Variants in MACROD2 observed in about 807,000 individuals in gnomAD.
MACROD2 encodes ADP-ribose glycohydrolase MACROD2.
MACROD2 carries 36 observed loss-of-function variants against 70.4 expected under a neutral mutation model. That is an observed-to-expected ratio of 0.51 (90% CI 0.39 to 0.68). The LOEUF is 0.68. MACROD2 is among the 30% of genes least tolerant of loss of function. The pLI is 0.00. For synonymous variants in MACROD2, 172 were observed against 178.8 expected, an observed-to-expected ratio of 0.96 and a Z score of 0.30; for missense variants, 496 against 538.4, an observed-to-expected ratio of 0.92 and a Z score of 0.78.
intron 6 of MACROD2, among the ~76,000 whole-genome samples, chr20:15,247,222 C>A (rs1400339289): frequency 6.6e-6 from 1 of 152,050 alleles, no homozygotes; most frequent in Non-Finnish European, 1.5e-5. Context: ...AATTTAAAAA[C>A]CTTGTCCTGT....
At chr20:15,483,123 A>T (rs1376797481) in intron 7 of MACROD2, among the ~76,000 whole-genome samples, 2 of 152,164 alleles carry the variant, frequency 1.3e-5, no homozygotes, top group Admixed American at 1.3e-4. Context: ...GTCATATCTA[A>T]AATGTCACCA....
At chr20:14,085,574 GTTAA>G (rs774200191) in intron 2 of MACROD2, 43 bp from the exon 3 acceptor site, 7 of 1,106,644 alleles carry the variant, frequency 6.3e-6, no homozygotes, top group East Asian at 5.5e-5. Context: ...TCTCGATTAA[GTTAA>G]TTAATAATAT....
chr20:15,600,430 C>T (rs903722216), intron 8 of MACROD2, among the ~76,000 whole-genome samples: 1 of 152,096 alleles, frequency 6.6e-6, no homozygotes, highest in African/African-American at 2.4e-5. Flanking sequence ...TAATCGTTTT[C>T]TTATGATCTT....
At chr20:15,394,008 A>G (rs2045827834) in intron 6 of MACROD2, among the ~76,000 whole-genome samples, 1 of 152,214 alleles carries the variant, frequency 6.6e-6, no homozygotes, top group African/African-American at 2.4e-5. Flanking sequence ...ATGAAGAGAA[A>G]GAATAGAACA....
intron 12 of MACROD2, among the ~76,000 whole-genome samples, chr20:15,940,726 T>C (rs1423383837): frequency 6.6e-6 from 1 of 152,176 alleles, no homozygotes; most frequent in African/African-American, 2.4e-5. Flanking sequence ...TAAGACATAG[T>C]GTATCTAAAA....
intron 3 of MACROD2, among the ~76,000 whole-genome samples, chr20:14,103,293 T>A (rs1202329625): frequency 6.6e-6 from 1 of 152,180 alleles, no homozygotes; most frequent in African/African-American, 2.4e-5. Context: ...TGAAGTTAAA[T>A]AGTAACAAAG....
At chr20:16,032,017 T>A (rs2067158380) in intron 15 of MACROD2, among the ~76,000 whole-genome samples, 1 of 152,168 alleles carries the variant, frequency 6.6e-6, no homozygotes. Flanking sequence ...TCATTAGCAT[T>A]TTTCTGAGCA....
At chr20:14,902,255 G>A (rs777248990) in intron 5 of MACROD2, among the ~76,000 whole-genome samples, 15 of 152,014 alleles carry the variant, frequency 9.9e-5, no homozygotes, top group Non-Finnish European at 1.3e-4. Flanking sequence ...TTCAAAATTC[G>A]CGGTGAAGGG....
At chr20:14,832,034 GTTTTTTTTTTTTT>G (rs1180071947) in intron 5 of MACROD2, among the ~76,000 whole-genome samples, 1 of 63,676 alleles carries the variant, frequency 1.6e-5, no homozygotes, top group Non-Finnish European at 2.8e-5. Flanking sequence ...GCCTTTGCGA[GTTTTTTTTTTTTT>G]TTTTTTTTTT....
intron 3 of MACROD2, among the ~76,000 whole-genome samples, chr20:14,293,962 A>G (rs1052612793): frequency 2.0e-5 from 3 of 151,816 alleles, no homozygotes; most frequent in African/African-American, 7.3e-5. Context: ...AATGAATATT[A>G]GGTTTGAGTT....
At chr20:15,801,913 A>C (rs1457289077) in intron 8 of MACROD2, among the ~76,000 whole-genome samples, 1 of 152,062 alleles carries the variant, frequency 6.6e-6, no homozygotes, top group African/African-American at 2.4e-5. Flanking sequence ...GAAGTCTTTA[A>C]CATTCTTGGT....
intron 5 of MACROD2, among the ~76,000 whole-genome samples, chr20:14,731,328 T>C (rs1000511612): frequency 6.6e-6 from 1 of 152,134 alleles, no homozygotes; most frequent in African/African-American, 2.4e-5. Flanking sequence ...GTCCTCATTA[T>C]AGAGATCGTT....
intron 5 of MACROD2, among the ~76,000 whole-genome samples, chr20:14,706,931 A>G (rs927931209): frequency 6.6e-6 from 1 of 152,160 alleles, no homozygotes; most frequent in African/African-American, 2.4e-5. Flanking sequence ...CTACATATGG[A>G]GTCCATAAAA....
At chr20:15,698,958 C>A (rs1346498973) in intron 8 of MACROD2, among the ~76,000 whole-genome samples, 1 of 152,198 alleles carries the variant, frequency 6.6e-6, no homozygotes, top group Non-Finnish European at 1.5e-5. Context: ...CTATCTATTT[C>A]ATTGAATATT....
chr20:14,831,162 A>G (rs2072960805), intron 5 of MACROD2, among the ~76,000 whole-genome samples: 1 of 152,102 alleles, frequency 6.6e-6, no homozygotes, highest in South Asian at 2.1e-4. Flanking sequence ...ACCACCTACC[A>G]TAAGGCCTAA....
chr20:15,428,405 G>T (rs146257771), intron 6 of MACROD2, among the ~76,000 whole-genome samples: 2 of 152,086 alleles, frequency 1.3e-5, no homozygotes, highest in African/African-American at 2.4e-5. Flanking sequence ...TCAAAGGCAC[G>T]TAAAAAAAGG....
At chr20:14,937,380 G>T (rs1269581978) in intron 5 of MACROD2, among the ~76,000 whole-genome samples, 1 of 152,064 alleles carries the variant, frequency 6.6e-6, no homozygotes, top group African/African-American at 2.4e-5. Flanking sequence ...CTTGCCTTGT[G>T]TGAAAGGTTT....
chr20:15,823,499 T>C lies in MACROD2; in HGVS notation c.646-39246T>C, dbSNP rs543687275. On this transcript the variant is annotated intron_variant, in intron 8 of 17. Coordinates refer to ENST00000684519, the MANE Select transcript of MACROD2 (RefSeq NM_001351661.2). ...AAGCACTACTTCTTCAATGCTTTTA[T>C]TCCATTCTTTGATCAAACATGTCAG... is the stretch of plus-strand genomic sequence containing the variant. 5.3e-4 allele frequency among the ~76,000 whole-genome samples: 81 copies of C among 152,342 alleles called. 1 individual carries two copies. The highest frequency in any genetic ancestry group is 1.9e-3 in the African/African-American group (79 of 41,586).
intron 15 of MACROD2, among the ~76,000 whole-genome samples, chr20:15,992,333 C>T (rs969574723): frequency 6.6e-6 from 1 of 152,152 alleles, no homozygotes; most frequent in Non-Finnish European, 1.5e-5. Flanking sequence ...TCATTCCTTC[C>T]AATATCTCTG....
Sources: allele counts gnomAD v4.1 joint callset (sites outside exome capture counted in the v4.1 genomes callset), GRCh38; gene constraint gnomAD v4.1.1; transcripts MANE v1.5; gene names NCBI Gene and HGNC (gene_info 2026-07-23, HGNC 2026-07-21).